Variants in HACE1 observed in about 807,000 individuals in gnomAD.
HACE1 encodes HECT domain and ankyrin repeat containing E3 ubiquitin protein ligase 1, also known as E3 ubiquitin-protein ligase HACE1.
HACE1 carries 73 observed loss-of-function variants against 118.4 expected under a neutral mutation model. That is an observed-to-expected ratio of 0.62 (90% CI 0.51 to 0.75). HACE1 has a LOEUF of 0.75. HACE1 is among the 30% of genes least tolerant of loss of function. The pLI is 0.00. For missense variants in HACE1, 749 were observed against 1,102.2 expected (o/e 0.68, Z 4.54); for synonymous variants, 368 against 374.8 (o/e 0.98, Z 0.21).
chr6:104,825,081 CAAA>C (rs575106170), intron 6 of HACE1, among the ~76,000 whole-genome samples: 13 of 92,740 alleles, frequency 1.4e-4, no homozygotes, highest in Non-Finnish European at 1.3e-4. Flanking sequence ...GACTCCGTCT[CAAA>C]AAAAAAAAAA....
intron 1 of HACE1, among the ~76,000 whole-genome samples, chr6:104,853,172 C>G (rs1397386843): frequency 6.6e-6 from 1 of 152,192 alleles, no homozygotes; most frequent in Non-Finnish European, 1.5e-5. Context: ...CCCTTCCTCT[C>G]TCACCGTTCT....
intron 22 of HACE1, among the ~76,000 whole-genome samples, chr6:104,742,008 G>A (rs202157348): frequency 0.19 from 26,097 of 140,252 alleles, 2,552 homozygotes; most frequent in African/African-American, 0.24. Context: ...ATAACGCCAC[G>A]TATCTACAAC....
chr6:104,832,964 G>A, intron 6 of HACE1, 78 bp downstream of exon 6: 1 of 1,287,498 alleles, frequency 7.8e-7, no homozygotes, highest in South Asian at 1.2e-5. Context: ...TCCCAAATAT[G>A]CACAATGAAA....
At chr6:104,756,621 G>T (rs570003491) in intron 19 of HACE1, among the ~76,000 whole-genome samples, 1 of 152,134 alleles carries the variant, frequency 6.6e-6, no homozygotes, top group East Asian at 1.9e-4. Context: ...AGCTCCCAGC[G>T]AGACTGACAC....
Position 104,729,329 on chromosome 6 carries a change from C to G in HACE1, c.*333G>C, listed in dbSNP as rs41285454. 6.6e-3 allele frequency: 1,832 copies of G among 275,942 alleles called. 14 individuals carry two copies. The highest frequency in any genetic ancestry group is 9.7e-3 in the Non-Finnish European group (1,391 of 143,104). The allele number at this position is 275,942 out of a possible 1,614,324, so 17.1% of individuals were successfully genotyped here. The stretch of plus-strand genomic sequence containing the variant: ...AGGAGAAAACACCCTTTTAACAAGA[C>G]AGTTACATAGCAGAGGTGGAATGTA... On this transcript the variant is annotated 3_prime_UTR_variant, in exon 24 of 24. Coordinates refer to ENST00000262903, the MANE Select transcript of HACE1 (RefSeq NM_020771.4).
rs142260380 is a variant in HACE1, at chr6:104,810,027, G to A, written c.617+1284C>T. 3.9e-4 allele frequency among the ~76,000 whole-genome samples: 60 copies of A among 152,196 alleles called. 1 individual carries two copies. The highest frequency in any genetic ancestry group is 7.4e-4 in the Non-Finnish European group (50 of 67,956). On this transcript the variant is annotated intron_variant, in intron 7 of 23. Transcript: ENST00000262903. ...TTGACATGTTAATATGTGAGATTCT[G>A]TGGTACTTCTAAGTGATGATGTTAA...
intron 1 of HACE1, among the ~76,000 whole-genome samples, chr6:104,858,005 A>G (rs1776913178): frequency 6.6e-6 from 1 of 151,938 alleles, no homozygotes; most frequent in Admixed American, 6.6e-5. Flanking sequence ...ATAAAAGACT[A>G]TATGCAACAT....
intron 7 of HACE1, among the ~76,000 whole-genome samples, chr6:104,800,872 G>A (rs1770254640): frequency 1.3e-5 from 2 of 152,138 alleles, no homozygotes; most frequent in East Asian, 1.9e-4. Flanking sequence ...TGACTTTGAC[G>A]AGTTCACAGA....
chr6:104,777,712 A>G (rs563752676), intron 14 of HACE1, among the ~76,000 whole-genome samples: 50 of 152,312 alleles, frequency 3.3e-4, no homozygotes, highest in African/African-American at 1.2e-3. Context: ...TTTCATGAAA[A>G]TAATCTCTTA....
chr6:104,787,015 A>G (rs1782495591), intron 11 of HACE1: 1 of 152,240 alleles, frequency 6.6e-6, no homozygotes, highest in Admixed American at 6.5e-5. Context: ...TGCCACTTTC[A>G]GCCTTTCTTC....
At chr6:104,810,342 C>G (rs79160191) in intron 7 of HACE1, among the ~76,000 whole-genome samples, 1 of 151,746 alleles carries the variant, frequency 6.6e-6, no homozygotes, top group Non-Finnish European at 1.5e-5. Context: ...ACATCAGAGA[C>G]CCCAACAAGA....
intron 22 of HACE1, among the ~76,000 whole-genome samples, chr6:104,739,185 A>G (rs1468544737): frequency 3.3e-5 from 5 of 152,220 alleles, no homozygotes; most frequent in African/African-American, 9.6e-5. Flanking sequence ...ATGGAAAGGA[A>G]CAACTGGTAC....
intron 10 of HACE1, among the ~76,000 whole-genome samples, chr6:104,792,493 T>C (rs1400132246): frequency 6.6e-6 from 1 of 152,166 alleles, no homozygotes; most frequent in Non-Finnish European, 1.5e-5. Flanking sequence ...AGTATTTTTG[T>C]TGGTTGATGG....
chr6:104,769,758 T>C (rs1181591383), intron 19 of HACE1, among the ~76,000 whole-genome samples: 1 of 152,164 alleles, frequency 6.6e-6, no homozygotes, highest in Non-Finnish European at 1.5e-5. Flanking sequence ...TGTCATTTCA[T>C]GTAAAATGAG....
intron 7 of HACE1, among the ~76,000 whole-genome samples, chr6:104,805,386 T>C (rs1472244765): frequency 6.6e-6 from 1 of 152,156 alleles, no homozygotes; most frequent in East Asian, 1.9e-4. Flanking sequence ...ATCATGCTAC[T>C]ATAAAGACAC....
rs1769713911 is a variant in HACE1, at chr6:104,796,941, A to G, written c.702T>C (p.Asp234=). 2 of 1,561,922 alleles carry G rather than the reference A, an allele frequency of 1.3e-6. No individual in the cohort carries two copies. Among genetic ancestry groups the G allele is most frequent in the African/African-American group, 1.4e-5 (1 of 73,812 alleles). The part of the protein sequence containing the change: ...LPDKNGVTPL[D]LCVQGGYGET... Reference sequence around the variant, plus strand: ...ATGAAAAACACACCTGTACACATAAATCCAGAGGAGTTACTCCATTTTTAT... The same window carrying G: ...ATGAAAAACACACCTGTACACATAAGTCCAGAGGAGTTACTCCATTTTTAT... Residue 234 remains aspartate (D), a synonymous_variant, in exon 8 of 24, where the codon GAT becomes GAC. Coordinates refer to ENST00000262903, the MANE Select transcript of HACE1 (RefSeq NM_020771.4).
rs552151654 is a variant in HACE1 at position 104,738,280 on chromosome 6, C to T, written c.2513+5880G>A. Among the ~76,000 whole-genome samples the T allele has an allele frequency of 2.4e-3, 362 of 152,288 alleles. 3 individuals are homozygous for T. The highest frequency in any genetic ancestry group is 9.5e-3 in the South Asian group (46 of 4,828). ...GAGTGCCTCTCCTCCTCCAAAGGAA[C>T]GCAGTTCCTCACCAGCAACGGAACA... On this transcript the variant is annotated intron_variant, in intron 22 of 23. Transcript: ENST00000262903.
rs898512195 is a variant in HACE1, at chr6:104,859,697, G to A, written c.-55C>T. On this transcript the variant is annotated 5_prime_UTR_variant, in exon 1 of 24. Transcript: ENST00000262903. ...ATCAGCCGCCCCACCGGCGGCCTCC[G>A]CGCCCAGAGCCCTACATCTCGCCTG... 2.8e-6 allele frequency: 4 copies of A among 1,450,632 alleles called. No homozygotes were observed. The highest frequency in any genetic ancestry group is 1.5e-5 in the African/African-American group (1 of 68,800). 89.9% of individuals were successfully genotyped at this position (1,450,632 alleles called of 1,614,324 possible).
intron 5 of HACE1, among the ~76,000 whole-genome samples, chr6:104,836,911 A>G (rs9499984): frequency 0.038 from 5,815 of 152,232 alleles, 369 homozygotes; most frequent in African/African-American, 0.13. Flanking sequence ...TAATTATGCC[A>G]AAGAAAATGA....
Sources: gnomAD v4.1 joint callset for allele counts (sites outside exome capture counted in the v4.1 genomes callset) on GRCh38, gnomAD v4.1.1 for gene constraint, MANE v1.5 for transcripts, NCBI Gene and HGNC (gene_info 2026-07-23, HGNC 2026-07-21) for gene names.